The following CACNG2 variants were observed in gnomAD, a reference collection of about 807,000 sequenced individuals.
The protein encoded by CACNG2 is voltage-dependent calcium channel gamma-2 subunit.
A neutral mutation model predicts 25.9 loss-of-function variants in CACNG2; 3 were observed. The ratio of observed to expected loss-of-function variants is 0.12; its 90% CI spans 0.05 to 0.30. The LOEUF (loss-of-function observed/expected upper bound fraction) is 0.30. Ranked by LOEUF, CACNG2 falls within the 10% of genes least tolerant of loss-of-function variation. The probability of loss-of-function intolerance (pLI) is 1.00; values close to 1 mark genes in which losing one functional copy is unlikely to be tolerated. For missense variants in CACNG2, 341 were observed against 432.5 expected, an observed-to-expected ratio of 0.79 and a Z score of 1.88; for synonymous variants, 167 against 173.3, an observed-to-expected ratio of 0.96 and a Z score of 0.29.
chr22:36,586,392 G>A lies in CACNG2; in HGVS notation c.295+1073C>T, dbSNP rs559247848. ...TTCATAAAAGGAAATGAAGAGCAGG[G>A]TATGATATTTTTTCCTTTAAAAAAA... On this transcript the variant is annotated intron_variant, in intron 2 of 3. Coordinates refer to ENST00000300105, the MANE Select transcript of CACNG2 (RefSeq NM_006078.5). Among the ~76,000 whole-genome samples the A allele has an allele frequency of 3.9e-5, 6 of 152,318 alleles. No individual in the cohort carries two copies. The East Asian group carries it at 7.7e-4, about 20-fold the overall frequency.
At chr22:36,596,472 C>CT (rs1000446684) in intron 1 of CACNG2, among the ~76,000 whole-genome samples, 22 of 151,930 alleles carry the variant, frequency 1.4e-4, no homozygotes, top group Admixed American at 2.6e-4. Flanking sequence ...TAGTTTCTTT[C>CT]TTTTTTTGTT....
Position 36,564,469 on chromosome 22 carries a change from G to T in CACNG2, c.854C>A (p.Thr285Asn). ...RDPLKAATTP[T>N]ATYNSDRDNS... ...ATCCCTGTCGGAGTTGTAGGTGGCG[G>T]TGGGCGTGGTGGCGGCCTTCAGGGG... Residue 285 changes from threonine (T) to asparagine (N), a missense_variant, in exon 4 of 4, where the codon ACC (threonine) becomes AAC (asparagine). Thr to Asn is a moderately conservative substitution (Grantham distance 65). Transcript: ENST00000300105. The surrounding 1 kb of genome is among the most constrained non-coding windows in gnomAD (Gnocchi z 6.7). 6.2e-7 allele frequency: 1 copy of T among 1,614,140 alleles called. No homozygotes were observed. The highest frequency in any genetic ancestry group is 8.5e-7 in the Non-Finnish European group (1 of 1,179,996).
chr22:36,701,437 C>T (rs780272386), intron 1 of CACNG2, among the ~76,000 whole-genome samples: 7 of 152,072 alleles, frequency 4.6e-5, no homozygotes, highest in Middle Eastern at 3.2e-3. Context: ...TACACCGTGG[C>T]GGCTCCTGTG....
chr22:36,702,073 A>G (rs1029968036), intron 1 of CACNG2, among the ~76,000 whole-genome samples: 2 of 152,294 alleles, frequency 1.3e-5, no homozygotes, highest in East Asian at 3.9e-4. Flanking sequence ...AGCAGGCAGA[A>G]CACCTTTGAC....
At chr22:36,651,224 CT>C (rs11411019) in intron 1 of CACNG2, among the ~76,000 whole-genome samples, 3,317 of 82,892 alleles carry the variant, frequency 0.04, 25 homozygotes, top group African/African-American at 0.066. Context: ...CTTCTTCCTC[CT>C]TTTTTTTTTT....
intron 1 of CACNG2, among the ~76,000 whole-genome samples, chr22:36,649,843 T>C (rs1321522263): frequency 3.9e-5 from 6 of 152,232 alleles, no homozygotes; most frequent in Admixed American, 3.9e-4. Context: ...TGCTCTTCCT[T>C]TGTCTTCCAC....
Position 36,625,022 on chromosome 22 carries a change from G to C in CACNG2, c.212-37474C>G, listed in dbSNP as rs1387952053. ...CAGCCTGGCAACAGAGTGAGACTCT[G>C]TCTCAAAAAAAAAAAAAAAAGAACC... On this transcript the variant is annotated intron_variant, in intron 1 of 3. Transcript: ENST00000300105. Among the ~76,000 whole-genome samples, 7 of 7,588 alleles carry C rather than the reference G, an allele frequency of 9.2e-4. No homozygotes were observed. In the East Asian group the frequency reaches 0.032, roughly 35 times the overall value. 5.0% of individuals were successfully genotyped at this position (7,588 alleles called of 152,430 possible). A position where few individuals can be genotyped will look rare whatever the true frequency, so the allele number is the denominator to read the frequency against.
intron 1 of CACNG2, among the ~76,000 whole-genome samples, chr22:36,596,743 G>T (rs965088796): frequency 1.7e-4 from 26 of 152,092 alleles, no homozygotes; most frequent in Admixed American, 2.0e-4. Context: ...CCTGGCTCTT[G>T]TCTCCATAGC....
chr22:36,702,089 G>C (rs1485987485), intron 1 of CACNG2, among the ~76,000 whole-genome samples: 1 of 152,054 alleles, frequency 6.6e-6, no homozygotes, highest in Non-Finnish European at 1.5e-5. Flanking sequence ...TTGACTTTTA[G>C]AGACAATCTC....
intron 1 of CACNG2, among the ~76,000 whole-genome samples, chr22:36,616,906 A>T (rs2267347): frequency 3.3e-5 from 5 of 152,112 alleles, no homozygotes; most frequent in Admixed American, 3.3e-4. Context: ...GATGCTGGGC[A>T]CTGGGGAGAG....
chr22:36,580,180 C>CG (rs35972165), intron 2 of CACNG2, among the ~76,000 whole-genome samples: 1 of 152,148 alleles, frequency 6.6e-6, no homozygotes, highest in Non-Finnish European at 1.5e-5. Context: ...GGAGGTTCAC[C>CG]GGGAAGTGGC....
chr22:36,661,828 C>A (rs2039194709), intron 1 of CACNG2, among the ~76,000 whole-genome samples: 2 of 152,086 alleles, frequency 1.3e-5, no homozygotes, highest in Non-Finnish European at 2.9e-5. Flanking sequence ...TCCCATGGAA[C>A]CTTGGCCAAG....
chr22:36,626,076 T>A (rs1292493157), intron 1 of CACNG2, among the ~76,000 whole-genome samples: 1 of 152,154 alleles, frequency 6.6e-6, no homozygotes, highest in Non-Finnish European at 1.5e-5. Context: ...CCCGCCACCA[T>A]GCCCGGCTAA....
chr22:36,691,910 G>A (rs758077766), intron 1 of CACNG2, among the ~76,000 whole-genome samples: 2 of 152,190 alleles, frequency 1.3e-5, no homozygotes, highest in Non-Finnish European at 2.9e-5. Context: ...GAGGAAAATG[G>A]AGACAAGAGC....
intron 1 of CACNG2, among the ~76,000 whole-genome samples, chr22:36,670,630 T>TTTTGTTTGTTTG (rs1555900632): frequency 1.3e-5 from 2 of 151,198 alleles, no homozygotes; most frequent in South Asian, 2.1e-4. Context: ...TGTTTTTGTT[T>TTTTGTTTGTTTG]TTTTGTTTTG....
chr22:36,575,547 G>A (rs181946120), intron 2 of CACNG2, among the ~76,000 whole-genome samples: 1 of 152,228 alleles, frequency 6.6e-6, no homozygotes, highest in East Asian at 1.9e-4. Flanking sequence ...ATGTGACGAC[G>A]GGGGGAGGTC....
intron 1 of CACNG2, among the ~76,000 whole-genome samples, chr22:36,685,058 A>T (rs545930838): frequency 6.6e-6 from 1 of 152,162 alleles, no homozygotes; most frequent in African/African-American, 2.4e-5. Context: ...TCCAGCCACA[A>T]GCTTTGCAGC....
chr22:36,608,183 G>C (rs1311543017), intron 1 of CACNG2, among the ~76,000 whole-genome samples: 1 of 152,174 alleles, frequency 6.6e-6, no homozygotes, highest in Non-Finnish European at 1.5e-5. Flanking sequence ...ATGCTGAAGA[G>C]AGAATTTCTA....
intron 1 of CACNG2, among the ~76,000 whole-genome samples, chr22:36,608,876 C>T (rs762957486): frequency 3.7e-4 from 57 of 152,136 alleles, no homozygotes; most frequent in Non-Finnish European, 7.2e-4. Context: ...AGTGAGCTCT[C>T]AGTACCTGCT....
Sources: gnomAD v4.1 joint callset for allele counts (sites outside exome capture counted in the v4.1 genomes callset) on GRCh38, gnomAD v4.1.1 for gene constraint, Gnocchi (gnomAD v3.1) non-coding constraint, MANE v1.5 for transcripts, NCBI Gene and HGNC (gene_info 2026-07-23, HGNC 2026-07-21) for gene names.